The following PARD3B variants were observed in gnomAD, a reference collection of about 807,000 sequenced individuals.
PARD3B encodes the protein partitioning defective 3 homolog B.
PARD3B carries 103 observed loss-of-function variants against 130.2 expected under a neutral mutation model. The ratio of observed to expected loss-of-function variants is 0.79; its 90% CI spans 0.67 to 0.93. The LOEUF (loss-of-function observed/expected upper bound fraction) is 0.93. Ranked by LOEUF, PARD3B falls within the 40% of genes least tolerant of loss-of-function variation. The pLI, the probability that PARD3B is intolerant of heterozygous loss-of-function variation, is 0.00. For synonymous variants in PARD3B, 583 were observed against 553.2 expected (o/e 1.05, Z -0.76); for missense variants, 1,609 against 1,499.2 (o/e 1.07, Z -1.21).
At position 205,431,475 on chromosome 2, in the gene PARD3B, A is replaced by AT. The variant is rs1017341768; in HGVS notation, c.2742-8883dup. Among the ~76,000 whole-genome samples, 368 of 147,518 alleles carry AT rather than the reference A, an allele frequency of 2.5e-3. 1 individual carries two copies. Among genetic ancestry groups the AT allele is most frequent in the Middle Eastern group, 0.01 (3 of 286 alleles). On this transcript the variant is annotated intron_variant, in intron 19 of 22. Coordinates refer to ENST00000406610, the MANE Select transcript of PARD3B (RefSeq NM_001302769.2). The stretch of plus-strand genomic sequence containing the variant: ...ATATCTGAAAGTTTTCATTATATCA[A>AT]TTTTTTTTTTTTGAGACAGAGTCTT...
intron 2 of PARD3B, among the ~76,000 whole-genome samples, chr2:204,882,583 C>T (rs1320054720): frequency 6.6e-6 from 1 of 152,154 alleles, no homozygotes. Flanking sequence ...CTTGACAAAA[C>T]ATGCACTTTG....
intron 4 of PARD3B, among the ~76,000 whole-genome samples, chr2:205,098,347 G>C (rs1252071489): frequency 6.6e-6 from 1 of 152,104 alleles, no homozygotes; most frequent in African/African-American, 2.4e-5. Flanking sequence ...TTCCAATGTA[G>C]CTAAAATTCA....
intron 1 of PARD3B, among the ~76,000 whole-genome samples, chr2:204,611,342 C>T (rs568842553): frequency 6.6e-6 from 1 of 152,204 alleles, no homozygotes; most frequent in South Asian, 2.1e-4. Context: ...CATTTTGACC[C>T]CTGTCTAAGA....
At position 205,563,379 on chromosome 2, in the gene PARD3B, G is replaced by T. The variant is rs1334404041; in HGVS notation, c.3260+9976G>T. On this transcript the variant is annotated intron_variant, in intron 22 of 22. Transcript: ENST00000406610. This position sits in a 1 kb window ranked among gnomAD's most constrained non-coding sequence, Gnocchi z 4.2. ...GTCATATGATGCTCCTTTAATAAAA[G>T]AAAAAAATGTATCCTTGAAGTCACA... Among the ~76,000 whole-genome samples, 4 of 151,950 alleles carry T rather than the reference G, an allele frequency of 2.6e-5. No homozygotes were observed. The highest frequency in any genetic ancestry group is 9.7e-5 in the African/African-American group (4 of 41,366).
intron 19 of PARD3B, among the ~76,000 whole-genome samples, chr2:205,423,981 A>G (rs2047060380): frequency 6.6e-6 from 1 of 152,154 alleles, no homozygotes; most frequent in African/African-American, 2.4e-5. Context: ...GCTTATGGGT[A>G]CTAGGCTTCA....
chr2:204,922,917 C>T (rs1258413455), intron 2 of PARD3B, among the ~76,000 whole-genome samples: 2 of 152,024 alleles, frequency 1.3e-5, no homozygotes, highest in African/African-American at 4.8e-5. Context: ...AACGATATAA[C>T]ATACCTTTTA....
intron 18 of PARD3B, among the ~76,000 whole-genome samples, chr2:205,328,003 G>A (rs560919207): frequency 6.1e-4 from 93 of 152,188 alleles, no homozygotes; most frequent in Middle Eastern, 3.4e-3. Context: ...AAAGCATTAC[G>A]TATAGGGATC....
intron 22 of PARD3B, among the ~76,000 whole-genome samples, chr2:205,556,455 C>T (rs2052890835): frequency 6.6e-6 from 1 of 152,148 alleles, no homozygotes; most frequent in Non-Finnish European, 1.5e-5. Context: ...CCATGCAGCC[C>T]ACTGCCAGGC....
In PARD3B at chr2:204,751,365, C is replaced by T. The variant is rs553731850; in HGVS notation, c.222+65083C>T. Reference sequence around the variant, plus strand: ...TGCTTTCCTTTAGAAATTTATAAAACTTCTAATGGAAGGTGTTGGATTCTC... The same window carrying T: ...TGCTTTCCTTTAGAAATTTATAAAATTTCTAATGGAAGGTGTTGGATTCTC... On this transcript the variant is annotated intron_variant, in intron 2 of 22. Transcript: ENST00000406610. Among the ~76,000 whole-genome samples, 8 of 152,252 alleles carry T rather than the reference C, an allele frequency of 5.3e-5. No individual in the cohort carries two copies. In the South Asian group the frequency reaches 1.7e-3, roughly 32 times the overall value.
At chr2:204,965,403 T>A (rs1458942329) in intron 3 of PARD3B, 80 bp downstream of exon 3, 1 of 1,386,016 alleles carries the variant, frequency 7.2e-7, no homozygotes, top group East Asian at 2.4e-5. Flanking sequence ...TTCTTCTTTG[T>A]GACTTTCATC....
At chr2:204,583,673 C>G (rs73057281) in intron 1 of PARD3B, among the ~76,000 whole-genome samples, 5,421 of 140,600 alleles carry the variant, frequency 0.039, 328 homozygotes, top group African/African-American at 0.13. Flanking sequence ...GTGACATTTA[C>G]TAATGTGTGA....
chr2:205,190,946 C>G (rs916600868), intron 14 of PARD3B, among the ~76,000 whole-genome samples: 2 of 151,662 alleles, frequency 1.3e-5, no homozygotes, highest in Non-Finnish European at 2.9e-5. Flanking sequence ...GTGTCAATAA[C>G]ACTAAGTGGG....
intron 2 of PARD3B, among the ~76,000 whole-genome samples, chr2:204,938,816 G>A (rs944840293): frequency 3.3e-5 from 5 of 152,162 alleles, no homozygotes; most frequent in South Asian, 2.1e-4. Flanking sequence ...CAGAGATGAT[G>A]TCTGCTGACC....
chr2:205,563,965 C>G lies in PARD3B; in HGVS notation c.3260+10562C>G, dbSNP rs529286560. Among the ~76,000 whole-genome samples the G allele has an allele frequency of 1.3e-5, 2 of 152,154 alleles. No homozygotes were observed. The highest frequency in any genetic ancestry group is 2.9e-5 in the Non-Finnish European group (2 of 68,032). On this transcript the variant is annotated intron_variant, in intron 22 of 22. Transcript: ENST00000406610. This position sits in a 1 kb window ranked among gnomAD's most constrained non-coding sequence, Gnocchi z 4.2. ...GGAAGGAGTTAACATTTGTTGAGCC[C>G]GTATTGTGCTCCAAGAACTCTGGCA...
intron 20 of PARD3B, among the ~76,000 whole-genome samples, chr2:205,471,649 C>T (rs2048839522): frequency 6.6e-6 from 1 of 152,128 alleles, no homozygotes; most frequent in South Asian, 2.1e-4. Context: ...AAGCATGAGC[C>T]ACCACGCCCG....
rs2033355417 is a variant in PARD3B at position 205,146,321 on chromosome 2, A to G, written c.1435-12401A>G. Among the ~76,000 whole-genome samples, 1 of 152,126 alleles carries G rather than the reference A, an allele frequency of 6.6e-6. No individual in the cohort carries two copies. The stretch of plus-strand genomic sequence containing the variant: ...CTTCCCAAATGGGCTACTTCTCAGG[A>G]TCAGGCCCATTATGCTCCCTTTTAA... On this transcript the variant is annotated intron_variant, in intron 10 of 22. Transcript: ENST00000406610. This position sits in a 1 kb window ranked among gnomAD's most constrained non-coding sequence, Gnocchi z 4.3.
intron 2 of PARD3B, among the ~76,000 whole-genome samples, chr2:204,714,652 C>G (rs2038634617): frequency 6.6e-6 from 1 of 152,142 alleles, no homozygotes; most frequent in Non-Finnish European, 1.5e-5. Flanking sequence ...AGAATATGCA[C>G]ATAAGTACTC....
intron 3 of PARD3B, among the ~76,000 whole-genome samples, chr2:205,019,717 T>G (rs2125328864): frequency 6.6e-6 from 1 of 152,324 alleles, no homozygotes; most frequent in East Asian, 1.9e-4. Flanking sequence ...TGATTTTCAT[T>G]TCTCTGAAGG....
chr2:204,858,394 C>T (rs757081166), intron 2 of PARD3B, among the ~76,000 whole-genome samples: 1 of 151,182 alleles, frequency 6.6e-6, no homozygotes, highest in East Asian at 1.9e-4. Context: ...AAAGGAGATT[C>T]TGCTCTATGC....
Sources: allele counts gnomAD v4.1 joint callset (sites outside exome capture counted in the v4.1 genomes callset), GRCh38; gene constraint gnomAD v4.1.1; non-coding constraint Gnocchi (gnomAD v3.1); transcripts MANE v1.5; gene names NCBI Gene and HGNC (gene_info 2026-07-23, HGNC 2026-07-21).